The following PPM1L variants were observed in gnomAD, a reference collection of about 807,000 sequenced individuals.
PPM1L encodes protein phosphatase 1L.
In PPM1L, 13 loss-of-function variants were observed where a neutral mutation model predicts 31.4. That is an observed-to-expected ratio of 0.41 (90% CI 0.27 to 0.66). PPM1L has a LOEUF of 0.66. Ranked by LOEUF, PPM1L falls within the 30% of genes least tolerant of loss-of-function variation. PPM1L has a pLI of 0.29. For missense variants in PPM1L, 326 were observed against 453.7 expected, an observed-to-expected ratio of 0.72 and a Z score of 2.56; for synonymous variants, 184 against 175.4, an observed-to-expected ratio of 1.05 and a Z score of -0.39.
At chr3:160,983,257 A>G (rs1381393615) in intron 2 of PPM1L, among the ~76,000 whole-genome samples, 1 of 152,230 alleles carries the variant, frequency 6.6e-6, no homozygotes, top group Non-Finnish European at 1.5e-5. Flanking sequence ...TCAGAGTACA[A>G]TTAAATGTAT....
intron 2 of PPM1L, among the ~76,000 whole-genome samples, chr3:161,025,004 T>G (rs549328410): frequency 1.3e-5 from 2 of 152,228 alleles, no homozygotes; most frequent in South Asian, 4.1e-4. Flanking sequence ...CTTAGTTTGT[T>G]GAAAGCTTCA....
chr3:161,047,782 A>T (rs1213405065), intron 2 of PPM1L, among the ~76,000 whole-genome samples: 2 of 152,188 alleles, frequency 1.3e-5, no homozygotes, highest in Non-Finnish European at 2.9e-5. Context: ...AAATAATACC[A>T]CACATCTACA....
At chr3:160,891,368 A>G (rs1163734260) in intron 1 of PPM1L, among the ~76,000 whole-genome samples, 1 of 152,218 alleles carries the variant, frequency 6.6e-6, no homozygotes, top group African/African-American at 2.4e-5. Context: ...GAAAGAAGAC[A>G]TTCATGCAGC....
At chr3:160,961,943 C>A in intron 2 of PPM1L, 33 bp downstream of exon 2, 1 of 1,499,446 alleles carries the variant, frequency 6.7e-7, no homozygotes, top group Non-Finnish European at 8.9e-7. Context: ...CATTTTTTTT[C>A]CTTGCAAAAA....
intron 1 of PPM1L, among the ~76,000 whole-genome samples, chr3:160,818,891 T>C (rs1349673324): frequency 6.6e-6 from 1 of 151,942 alleles, no homozygotes; most frequent in East Asian, 1.9e-4. Flanking sequence ...TTAAAAAATT[T>C]ATTTATTTAT....
intron 2 of PPM1L, among the ~76,000 whole-genome samples, chr3:160,978,048 G>A (rs999800523): frequency 1.3e-5 from 2 of 152,184 alleles, no homozygotes; most frequent in Non-Finnish European, 2.9e-5. Flanking sequence ...AGGAACAGGA[G>A]TGAGGGGCAC....
chr3:161,005,428 A>G (rs1160601676), intron 2 of PPM1L, among the ~76,000 whole-genome samples: 1 of 152,210 alleles, frequency 6.6e-6, no homozygotes, highest in Non-Finnish European at 1.5e-5. Context: ...ATGTATTATG[A>G]GAGGTACAGG....
chr3:160,857,968 CTT>C (rs1423036321), intron 1 of PPM1L, among the ~76,000 whole-genome samples: 1 of 152,198 alleles, frequency 6.6e-6, no homozygotes. Flanking sequence ...TGTCATGACT[CTT>C]TTGGTAGCCC....
At chr3:160,849,106 G>A (rs537033597) in intron 1 of PPM1L, among the ~76,000 whole-genome samples, 40 of 152,158 alleles carry the variant, frequency 2.6e-4, no homozygotes, top group African/African-American at 9.4e-4. Context: ...CAGTTATATG[G>A]GCATATATTA....
At chr3:160,809,154 T>C (rs1349283405) in intron 1 of PPM1L, among the ~76,000 whole-genome samples, 2 of 152,242 alleles carry the variant, frequency 1.3e-5, no homozygotes, top group South Asian at 2.1e-4. Flanking sequence ...TCTGATCTAA[T>C]TCTGGCAAAA....
intron 2 of PPM1L, among the ~76,000 whole-genome samples, chr3:161,033,540 C>T (rs1718644284): frequency 6.6e-6 from 1 of 152,264 alleles, no homozygotes; most frequent in South Asian, 2.1e-4. Flanking sequence ...AAATGTGACA[C>T]ATCTACAACT....
At chr3:160,790,124 A>G (rs1366375819) in intron 1 of PPM1L, among the ~76,000 whole-genome samples, 5 of 152,084 alleles carry the variant, frequency 3.3e-5, no homozygotes, top group Admixed American at 3.3e-4. Flanking sequence ...TTTTTGATCC[A>G]TGATTGGTTG....
intron 2 of PPM1L, among the ~76,000 whole-genome samples, chr3:160,978,044 A>G (rs74845279): frequency 0.013 from 1,929 of 152,302 alleles, 38 homozygotes; most frequent in African/African-American, 0.043. Context: ...CCCAAGGAAC[A>G]GGAGTGAGGG....
chr3:161,032,388 A>G (rs1718597504), intron 2 of PPM1L, among the ~76,000 whole-genome samples: 1 of 152,188 alleles, frequency 6.6e-6, no homozygotes, highest in South Asian at 2.1e-4. Context: ...CACCTACCTG[A>G]TACACTTTGA....
Position 161,065,424 on chromosome 3 carries a change from T to C in PPM1L, c.596T>C (p.Leu199Pro). 1 of 1,614,076 alleles carries C rather than the reference T, an allele frequency of 6.2e-7. No homozygotes were observed. The highest frequency in any genetic ancestry group is 8.5e-7 in the Non-Finnish European group (1 of 1,179,944). The change falls in exon 3 of 4, where the codon CTG becomes CCG. Residue 199 changes from leucine (L) to proline (P), a missense_variant. By Grantham distance (98) the Leu-to-Pro change is moderately conservative. This residue lies in a region of PPM1L where 201 missense variants were observed against 298.2 expected (regional missense o/e 0.67). Transcript: ENST00000498165. ...TCAGGCACAACGTGTTTGATTGCTC[T>C]GCTATCAGATAAAGACCTCACTGTG... ...DEAGTTCLIA[L>P]LSDKDLTVAN...
At chr3:160,985,992 ATAGCACCTC>A (rs1420559111) in intron 2 of PPM1L, among the ~76,000 whole-genome samples, 1 of 151,878 alleles carries the variant, frequency 6.6e-6, no homozygotes, top group Non-Finnish European at 1.5e-5. Flanking sequence ...AAAAAAAAAA[ATAGCACCTC>A]AAAGCTTTTG....
rs1713826616 is a variant in PPM1L, at chr3:160,908,150, G to A, written c.400-53586G>A. ...CACTGTCTAACTGTAAAAGTTTTGAGTTTTGGTTAGTCTTTCTACTCAAAT... is the reference window on the plus strand; with the variant it reads ...CACTGTCTAACTGTAAAAGTTTTGAATTTTGGTTAGTCTTTCTACTCAAAT... On this transcript the variant is annotated intron_variant, in intron 1 of 3. Transcript: ENST00000498165. Among the ~76,000 whole-genome samples the A allele has an allele frequency of 2.6e-5, 4 of 152,200 alleles. No individual in the cohort carries two copies. In the South Asian group the frequency reaches 8.3e-4, roughly 32 times the overall value.
At chr3:160,786,218 T>TTA (rs1711930049) in intron 1 of PPM1L, among the ~76,000 whole-genome samples, 4 of 113,424 alleles carry the variant, frequency 3.5e-5, no homozygotes, top group Non-Finnish European at 7.0e-5. Context: ...TTTTTTTTTT[T>TTA]TTTTTTTTTT....
chr3:160,894,088 T>C (rs1713251740), intron 1 of PPM1L, among the ~76,000 whole-genome samples: 1 of 152,182 alleles, frequency 6.6e-6, no homozygotes, highest in African/African-American at 2.4e-5. Flanking sequence ...TGACTTATGA[T>C]ATTTTCAATG....
Sources: allele counts gnomAD v4.1 joint callset (sites outside exome capture counted in the v4.1 genomes callset), GRCh38; gene constraint gnomAD v4.1.1; regional missense constraint gnomAD v4.1.1; transcripts MANE v1.5; gene names NCBI Gene and HGNC (gene_info 2026-07-23, HGNC 2026-07-21).